The following SASS6 variants were observed in gnomAD, a reference collection of about 807,000 sequenced individuals.
SASS6 encodes the protein spindle assembly abnormal protein 6 homolog.
Under a neutral mutation model 94.9 loss-of-function variants are expected in SASS6, and 59 were observed. That is an observed-to-expected ratio of 0.62 (90% confidence interval 0.50 to 0.77). The LOEUF (loss-of-function observed/expected upper bound fraction) is 0.77. Among genes scored for constraint, SASS6 ranks in the 30% least tolerant of loss-of-function variants. The pLI is 0.00. For synonymous variants in SASS6, 264 were observed against 270.0 expected (o/e 0.98, Z 0.22); for missense variants, 698 against 734.1 (o/e 0.95, Z 0.57).
rs200619454 is a variant in SASS6, at chr1:100,121,511, T to C, written c.350A>G (p.Asp117Gly). 4.3e-5 allele frequency: 68 copies of C among 1,599,470 alleles called. No homozygotes were observed. The highest frequency in any genetic ancestry group is 3.3e-4 in the Middle Eastern group (2 of 6,044). ...CACATTTAAAAATGCAGGTGAGTTA[T>C]CCAAAATAGCTGCTGGAGAAACTAA... ...LQLVSPAAILDNSPAFLNVVE... is the reference protein window; with the variant it reads ...LQLVSPAAILGNSPAFLNVVE... The change falls in exon 5 of 17, where the codon GAT (aspartate) becomes GGT (glycine). Residue 117 changes from aspartate to glycine, a missense_variant. By Grantham distance (94) the Asp-to-Gly change is moderately conservative. Coordinates refer to ENST00000287482, the MANE Select transcript of SASS6 (RefSeq NM_194292.3).
intron 14 of SASS6, among the ~76,000 whole-genome samples, chr1:100,100,023 T>C (rs868271637): frequency 2.0e-5 from 3 of 152,124 alleles, no homozygotes; most frequent in Middle Eastern, 3.2e-3. Flanking sequence ...TCCCACCACT[T>C]GGGAGGCCGA....
intron 1 of SASS6, among the ~76,000 whole-genome samples, chr1:100,129,989 C>T (rs1356437464): frequency 6.6e-6 from 1 of 152,210 alleles, no homozygotes; most frequent in Non-Finnish European, 1.5e-5. Context: ...ATGCTCTAGT[C>T]ACTGTTGTAA....
At chr1:100,097,461 A>G (rs557110849) in intron 14 of SASS6, among the ~76,000 whole-genome samples, 1 of 152,342 alleles carries the variant, frequency 6.6e-6, no homozygotes, top group East Asian at 1.9e-4. Flanking sequence ...CTACTGAGCA[A>G]TTAAAAGAAA....
In SASS6 at chr1:100,085,327, A is replaced by C; in HGVS notation, c.*1T>G. On this transcript the variant is annotated 3_prime_UTR_variant, in exon 17 of 17. Coordinates refer to ENST00000287482, the MANE Select transcript of SASS6 (RefSeq NM_194292.3). ...ATAAAAAGTAAAACATGACACTAGA[A>C]TTAACTGTTTGGTAACTGCCCAGGG... is the stretch of plus-strand genomic sequence containing the variant. The C allele has an allele frequency of 6.3e-7, 1 of 1,588,628 alleles. No individual in the cohort carries two copies. The highest frequency in any genetic ancestry group is 8.6e-7 in the Non-Finnish European group (1 of 1,156,816).
chr1:100,085,880 A>C (rs1052441564), intron 15 of SASS6, among the ~76,000 whole-genome samples: 7 of 152,196 alleles, frequency 4.6e-5, no homozygotes, highest in Non-Finnish European at 7.4e-5. Context: ...AAAAATGAAA[A>C]TTCTACAAGT....
At chr1:100,128,413 T>C (rs60321621) in intron 1 of SASS6, among the ~76,000 whole-genome samples, 4,876 of 152,300 alleles carry the variant, frequency 0.032, 290 homozygotes, top group African/African-American at 0.11. Flanking sequence ...CTTATCAAAG[T>C]GTTCTTTACA....
intron 6 of SASS6, 69 bp from the exon 7 acceptor site, chr1:100,119,206 A>T: frequency 1.2e-6 from 1 of 845,184 alleles, no homozygotes; most frequent in South Asian, 2.8e-5. Context: ...ATTAGAATAT[A>T]GCAATATTTA....
chr1:100,122,340 T>G, intron 4 of SASS6, 40 bp downstream of exon 4: 1 of 879,302 alleles, frequency 1.1e-6, no homozygotes, highest in Non-Finnish European at 1.9e-6. Flanking sequence ...GAGTCTGTCT[T>G]GAATTAAATT....
intron 14 of SASS6, among the ~76,000 whole-genome samples, chr1:100,102,190 G>T (rs1315926262): frequency 6.6e-6 from 1 of 151,962 alleles, no homozygotes; most frequent in Non-Finnish European, 1.5e-5. Context: ...AAGGGTTGGG[G>T]GGATTGCTAG....
At chr1:100,124,128 C>T (rs1654398971) in intron 2 of SASS6, among the ~76,000 whole-genome samples, 1 of 152,118 alleles carries the variant, frequency 6.6e-6, no homozygotes, top group Non-Finnish European at 1.5e-5. Context: ...CACTTATGCA[C>T]CAAGCTAGAA....
intron 14 of SASS6, among the ~76,000 whole-genome samples, chr1:100,102,749 G>T (rs1652596309): frequency 6.7e-6 from 1 of 150,154 alleles, no homozygotes; most frequent in Admixed American, 6.7e-5. Flanking sequence ...CAAGATTTTA[G>T]AAATTACAGT....
intron 7 of SASS6, among the ~76,000 whole-genome samples, chr1:100,118,075 T>C (rs1481293605): frequency 6.6e-6 from 1 of 152,084 alleles, no homozygotes; most frequent in Non-Finnish European, 1.5e-5. Flanking sequence ...ATCCCAGCAC[T>C]TTGGGAGGCC....
intron 2 of SASS6, among the ~76,000 whole-genome samples, chr1:100,125,482 C>T (rs1188916493): frequency 6.6e-6 from 1 of 151,178 alleles, no homozygotes; most frequent in Non-Finnish European, 1.5e-5. Context: ...AGATCGAGAC[C>T]ATCCTGGCCA....
chr1:100,109,772 T>C (rs1653165558), intron 8 of SASS6, among the ~76,000 whole-genome samples: 1 of 152,062 alleles, frequency 6.6e-6, no homozygotes, highest in South Asian at 2.1e-4. Flanking sequence ...AAAATAGGGC[T>C]AATAATAGTT....
At chr1:100,129,213 G>A (rs1654836288) in intron 1 of SASS6, among the ~76,000 whole-genome samples, 1 of 151,706 alleles carries the variant, frequency 6.6e-6, no homozygotes, top group Non-Finnish European at 1.5e-5. Context: ...CTCTAGCCTG[G>A]GCAACAGAGT....
intron 14 of SASS6, among the ~76,000 whole-genome samples, chr1:100,089,866 G>A (rs1205556996): frequency 6.6e-6 from 1 of 151,508 alleles, no homozygotes; most frequent in East Asian, 1.9e-4. Context: ...TTTCTTCATT[G>A]CTTAATGTCT....
intron 1 of SASS6, among the ~76,000 whole-genome samples, chr1:100,129,963 T>C (rs1349538646): frequency 1.3e-5 from 2 of 152,234 alleles, no homozygotes; most frequent in African/African-American, 4.8e-5. Flanking sequence ...TACCTAAAAT[T>C]TAGTGAACAT....
At chr1:100,122,144 G>A (rs533725416) in intron 4 of SASS6, among the ~76,000 whole-genome samples, 39 of 152,272 alleles carry the variant, frequency 2.6e-4, no homozygotes, top group African/African-American at 9.4e-4. Flanking sequence ...AATATTTGAT[G>A]CTGCTAAATA....
intron 6 of SASS6, among the ~76,000 whole-genome samples, chr1:100,119,540 G>A (rs143435969): frequency 5.9e-5 from 9 of 152,278 alleles, no homozygotes; most frequent in African/African-American, 1.4e-4. Context: ...ATCAGATACC[G>A]ATATAGTTAG....
Sources: gnomAD v4.1 joint callset for allele counts (sites outside exome capture counted in the v4.1 genomes callset) on GRCh38, gnomAD v4.1.1 for gene constraint, MANE v1.5 for transcripts, NCBI Gene and HGNC (gene_info 2026-07-23, HGNC 2026-07-21) for gene names.